Variants in DOCK4 observed in about 807,000 individuals in gnomAD.
DOCK4 encodes dedicator of cytokinesis protein 4.
In DOCK4, 97 loss-of-function variants were observed where a neutral mutation model predicts 268.1. That is an observed-to-expected ratio of 0.36 (90% CI 0.31 to 0.43). DOCK4 has a LOEUF of 0.43. DOCK4 is among the 20% of genes least tolerant of loss of function. DOCK4 has a pLI of 1.00. For synonymous variants in DOCK4, 954 were observed against 887.2 expected, an observed-to-expected ratio of 1.08 and a Z score of -1.34; for missense variants, 2,145 against 2,455.7, an observed-to-expected ratio of 0.87 and a Z score of 2.67.
chr7:112,119,911 G>C (rs555104019), intron 1 of DOCK4, among the ~76,000 whole-genome samples: 182 of 150,874 alleles, frequency 1.2e-3, no homozygotes, highest in Middle Eastern at 6.8e-3. Flanking sequence ...GCAGTGGCGC[G>C]ATCTCGGCTC....
At position 112,043,900 on chromosome 7, in the gene DOCK4, A is replaced by T. The variant is rs565369018; in HGVS notation, c.38-39769T>A. 1.2e-3 allele frequency among the ~76,000 whole-genome samples: 190 copies of T among 152,106 alleles called. 2 individuals carry two copies. Among genetic ancestry groups the T allele is most frequent in the Admixed American group, 2.2e-3 (33 of 15,284 alleles). ...GAGGTAGGAAAACTAAGTTTAAAGA[A>T]AAGACTTTCTGAAGATTTCCCAATG... On this transcript the variant is annotated intron_variant, in intron 1 of 52. Coordinates refer to ENST00000428084, the MANE Select transcript of DOCK4 (RefSeq NM_001363540.2).
intron 1 of DOCK4, among the ~76,000 whole-genome samples, chr7:112,099,645 A>G (rs117747774): frequency 2.6e-5 from 4 of 152,326 alleles, no homozygotes; most frequent in East Asian, 3.9e-4. Context: ...ACATTTTTGT[A>G]TAGGTTCACT....
intron 1 of DOCK4, among the ~76,000 whole-genome samples, chr7:112,117,531 T>C (rs761878292): frequency 6.6e-6 from 1 of 152,078 alleles, no homozygotes; most frequent in Non-Finnish European, 1.5e-5. Context: ...CCACCACGCC[T>C]GGCTAATTTT....
intron 45 of DOCK4, 77 bp downstream of exon 45, chr7:111,741,936 T>C: frequency 1.3e-6 from 2 of 1,498,358 alleles, no homozygotes; most frequent in Non-Finnish European, 1.8e-6. Context: ...ATGTCACTAT[T>C]GGATACATCA....
intron 1 of DOCK4, among the ~76,000 whole-genome samples, chr7:112,136,712 G>C (rs1053791515): frequency 2.0e-5 from 3 of 152,084 alleles, no homozygotes; most frequent in African/African-American, 7.2e-5. Context: ...GATCAGGCAG[G>C]GCTTTTTGGA....
intron 1 of DOCK4, among the ~76,000 whole-genome samples, chr7:112,073,917 G>A (rs1229373747): frequency 6.6e-6 from 1 of 152,088 alleles, no homozygotes; most frequent in Admixed American, 6.6e-5. Flanking sequence ...TTAAATGTTT[G>A]AGGTATGCTA....
intron 1 of DOCK4, among the ~76,000 whole-genome samples, chr7:112,010,493 C>T (rs185727031): frequency 6.2e-4 from 94 of 152,282 alleles, no homozygotes; most frequent in African/African-American, 2.2e-3. Context: ...AGTAGGACTA[C>T]GTGGAGATGA....
intron 1 of DOCK4, among the ~76,000 whole-genome samples, chr7:112,163,867 C>T (rs1817357693): frequency 6.6e-6 from 1 of 152,140 alleles, no homozygotes; most frequent in Admixed American, 6.5e-5. Flanking sequence ...GCTAAGCAAG[C>T]ACACACATTG....
intron 1 of DOCK4, among the ~76,000 whole-genome samples, 162 bp downstream of exon 1, chr7:112,205,940 C>A (rs1249324955): frequency 6.6e-6 from 1 of 152,168 alleles, no homozygotes; most frequent in Non-Finnish European, 1.5e-5. Flanking sequence ...TGGTGCGCAG[C>A]CCTCTGCCTG....
intron 25 of DOCK4, among the ~76,000 whole-genome samples, chr7:111,836,794 G>T (rs1803273602): frequency 1.3e-5 from 2 of 151,910 alleles, no homozygotes; most frequent in Admixed American, 6.6e-5. Context: ...AAAGATTATT[G>T]AACTTGAAAG....
intron 8 of DOCK4, among the ~76,000 whole-genome samples, chr7:111,957,148 T>G (rs1029214653): frequency 1.6e-4 from 24 of 152,290 alleles, no homozygotes; most frequent in African/African-American, 5.8e-4. Context: ...ATAGTTTATA[T>G]ACTTCTAAAA....
At chr7:111,833,623 A>C (rs1766504758) in intron 26 of DOCK4, among the ~76,000 whole-genome samples, 4 of 152,166 alleles carry the variant, frequency 2.6e-5, no homozygotes, top group Admixed American at 2.6e-4. Context: ...GAGGGATTAA[A>C]TCTGCCAAAA....
At chr7:112,147,504 T>C (rs1483694983) in intron 1 of DOCK4, among the ~76,000 whole-genome samples, 1 of 152,184 alleles carries the variant, frequency 6.6e-6, no homozygotes, top group African/African-American at 2.4e-5. Context: ...TAACAGATAT[T>C]TTGCCTAAAA....
Position 111,739,125 on chromosome 7 carries a change from A to G in DOCK4, c.5232+9T>C, listed in dbSNP as rs1449139181. 6.2e-7 allele frequency: 1 copy of G among 1,607,394 alleles called. No homozygotes were observed. Among genetic ancestry groups the G allele is most frequent in the East Asian group, 2.2e-5 (1 of 44,860 alleles). ...TTGTTTTCTAGTTTCTCTACCCTAC[A>G]AGGAGTACCTGCGAAGGCTCCACAG... On this transcript the variant is annotated intron_variant, in intron 49 of 52. Transcript: ENST00000428084.
At chr7:111,911,126 G>A (rs1299059073) in intron 13 of DOCK4, among the ~76,000 whole-genome samples, 1 of 152,164 alleles carries the variant, frequency 6.6e-6, no homozygotes, top group East Asian at 1.9e-4. Context: ...ATAATCATGT[G>A]CCTCACCTGT....
At chr7:112,081,197 G>C (rs1011682625) in intron 1 of DOCK4, among the ~76,000 whole-genome samples, 1 of 152,108 alleles carries the variant, frequency 6.6e-6, no homozygotes, top group Non-Finnish European at 1.5e-5. Flanking sequence ...ACAGGAATGC[G>C]AATCCTGTGG....
At chr7:112,146,739 G>A (rs993309366) in intron 1 of DOCK4, among the ~76,000 whole-genome samples, 9 of 152,054 alleles carry the variant, frequency 5.9e-5, no homozygotes, top group African/African-American at 2.2e-4. Flanking sequence ...TCTCAAAAAA[G>A]TACTTTGGCA....
At chr7:111,855,530 C>T (rs1804930877) in intron 23 of DOCK4, among the ~76,000 whole-genome samples, 1 of 152,088 alleles carries the variant, frequency 6.6e-6, no homozygotes, top group Non-Finnish European at 1.5e-5. Context: ...TGTGAGATAT[C>T]CACCAGAGAT....
intron 23 of DOCK4, among the ~76,000 whole-genome samples, chr7:111,856,884 AT>A (rs1805054334): frequency 1.3e-5 from 2 of 152,200 alleles, no homozygotes; most frequent in South Asian, 4.1e-4. Flanking sequence ...CAAATTCCAT[AT>A]TTAAAAAAAC....
Sources: allele counts gnomAD v4.1 joint callset (sites outside exome capture counted in the v4.1 genomes callset), GRCh38; gene constraint gnomAD v4.1.1; transcripts MANE v1.5; gene names NCBI Gene and HGNC (gene_info 2026-07-23, HGNC 2026-07-21).